Variants in NRG1 observed in about 807,000 individuals in gnomAD.
The protein encoded by NRG1 is neuregulin 1.
Under a neutral mutation model 63.8 loss-of-function variants are expected in NRG1, and 18 were observed. The ratio of observed to expected loss-of-function variants is 0.28; its 90% CI spans 0.19 to 0.42. The LOEUF is 0.42. NRG1 is among the 10% of genes least tolerant of loss of function. NRG1 has a pLI of 1.00. For synonymous variants in NRG1, 302 were observed against 301.3 expected (o/e 1.00, Z -0.02); for missense variants, 762 against 814.7 (o/e 0.94, Z 0.79).
chr8:32,458,052 G>A (rs1003215859), intron 1 of NRG1, among the ~76,000 whole-genome samples: 1 of 152,006 alleles, frequency 6.6e-6, no homozygotes, highest in African/African-American at 2.4e-5. Flanking sequence ...TAAATAGCTG[G>A]GACTACAGGC....
chr8:31,961,763 A>C (rs1764131645), intron 1 of NRG1, among the ~76,000 whole-genome samples: 1 of 152,184 alleles, frequency 6.6e-6, no homozygotes. Flanking sequence ...ATAATCTAAG[A>C]TTCATAAACA....
In NRG1 at chr8:31,836,288, A is replaced by C. The variant is rs186026524; in HGVS notation, c.37+196857A>C. 7.2e-4 allele frequency among the ~76,000 whole-genome samples: 110 copies of C among 152,310 alleles called. 2 individuals carry two copies. The East Asian group carries it at 0.016, about 22-fold the overall frequency. Reference sequence around the variant, plus strand: ...ACAAAAGCATTGTAACAGAAAATAAATTTTGAATTACAACTGTGACTTTAT... The same window carrying C: ...ACAAAAGCATTGTAACAGAAAATAACTTTTGAATTACAACTGTGACTTTAT... On this transcript the variant is annotated intron_variant, in intron 1 of 10. Coordinates refer to the NRG1 transcript ENST00000519301.
chr8:31,785,859 G>A (rs559964061), intron 1 of NRG1, among the ~76,000 whole-genome samples: 24 of 152,218 alleles, frequency 1.6e-4, no homozygotes, highest in South Asian at 2.1e-4. Context: ...GGATACCTCC[G>A]TTGCACAAGT....
intron 1 of NRG1, among the ~76,000 whole-genome samples, chr8:32,219,303 C>T (rs1212377261): frequency 6.6e-6 from 1 of 152,152 alleles, no homozygotes; most frequent in Non-Finnish European, 1.5e-5. Context: ...TTCTCACCTT[C>T]CTATGATGAG....
At chr8:32,064,380 G>C (rs116841098) in intron 1 of NRG1, among the ~76,000 whole-genome samples, 1 of 152,122 alleles carries the variant, frequency 6.6e-6, no homozygotes, top group Non-Finnish European at 1.5e-5. Flanking sequence ...TCATTTGGCT[G>C]TCAAAACCAT....
chr8:32,551,984 C>T (rs1834223487), intron 1 of NRG1, among the ~76,000 whole-genome samples: 1 of 147,656 alleles, frequency 6.8e-6, no homozygotes, highest in Admixed American at 6.9e-5. Context: ...AATCTCGGCT[C>T]ACTGCAACCT....
intron 1 of NRG1, among the ~76,000 whole-genome samples, chr8:32,462,980 G>A (rs1822513665): frequency 6.6e-6 from 1 of 150,626 alleles, no homozygotes; most frequent in South Asian, 2.1e-4. Flanking sequence ...CCTGCCCCTG[G>A]TAACCACCAT....
At chr8:32,327,885 C>A (rs1802196108) in intron 1 of NRG1, among the ~76,000 whole-genome samples, 1 of 152,086 alleles carries the variant, frequency 6.6e-6, no homozygotes, top group South Asian at 2.1e-4. Context: ...TCCATATTGG[C>A]TAGAAATTTG....
intron 1 of NRG1, among the ~76,000 whole-genome samples, chr8:31,906,674 A>G (rs1358191707): frequency 6.6e-6 from 1 of 152,156 alleles, no homozygotes; most frequent in Non-Finnish European, 1.5e-5. Context: ...TAAAAACAAA[A>G]TAATCATTCA....
intron 1 of NRG1, among the ~76,000 whole-genome samples, chr8:32,295,931 G>A (rs1421499856): frequency 8.1e-6 from 1 of 123,830 alleles, no homozygotes; most frequent in Non-Finnish European, 1.7e-5. Flanking sequence ...GGCAAGACTA[G>A]GTCTCAAGGA....
At chr8:32,280,115 A>G (rs867066921) in intron 1 of NRG1, among the ~76,000 whole-genome samples, 1 of 152,232 alleles carries the variant, frequency 6.6e-6, no homozygotes, top group Non-Finnish European at 1.5e-5. Context: ...TGAATAATAA[A>G]TGAATGAACA....
At chr8:32,307,298 A>T (rs1470873847) in intron 1 of NRG1, among the ~76,000 whole-genome samples, 1 of 152,152 alleles carries the variant, frequency 6.6e-6, no homozygotes, top group African/African-American at 2.4e-5. Context: ...AGCTAATTAG[A>T]CATGGGAAAA....
At chr8:31,805,163 T>C (rs1284812361) in intron 1 of NRG1, among the ~76,000 whole-genome samples, 1 of 152,178 alleles carries the variant, frequency 6.6e-6, no homozygotes, top group East Asian at 1.9e-4. Flanking sequence ...TATATATTGG[T>C]GACTTTAGGT....
chr8:32,464,456 A>G (rs1174826130), intron 1 of NRG1, among the ~76,000 whole-genome samples: 1 of 152,140 alleles, frequency 6.6e-6, no homozygotes, highest in East Asian at 1.9e-4. Context: ...TCTACTGATG[A>G]CACAGAACAA....
At chr8:31,897,551 A>G (rs1831675353) in intron 1 of NRG1, among the ~76,000 whole-genome samples, 1 of 152,078 alleles carries the variant, frequency 6.6e-6, no homozygotes, top group East Asian at 1.9e-4. Context: ...AAGAAAATCA[A>G]CTCTGATAAG....
intron 1 of NRG1, among the ~76,000 whole-genome samples, chr8:32,413,093 CAT>C (rs1218022953): frequency 1.3e-5 from 2 of 152,302 alleles, no homozygotes; most frequent in East Asian, 3.9e-4. Flanking sequence ...AAGCCTGAAA[CAT>C]GTGCATATTC....
At chr8:31,932,268 G>T (rs1055154659) in intron 1 of NRG1, among the ~76,000 whole-genome samples, 3 of 152,110 alleles carry the variant, frequency 2.0e-5, no homozygotes, top group Non-Finnish European at 4.4e-5. Flanking sequence ...CTTGATTTTG[G>T]ACTCTTGCAT....
chr8:32,279,068 A>C (rs1453260773), intron 1 of NRG1, among the ~76,000 whole-genome samples: 3 of 152,192 alleles, frequency 2.0e-5, no homozygotes, highest in African/African-American at 7.2e-5. Flanking sequence ...GATCTCTCTG[A>C]ATCAGATTCT....
intron 1 of NRG1, among the ~76,000 whole-genome samples, chr8:32,143,731 T>C (rs150914392): frequency 1.3e-4 from 20 of 152,382 alleles, no homozygotes; most frequent in African/African-American, 3.6e-4. Context: ...ACACTTCAGA[T>C]ACCTTCTCTT....
Sources: allele counts gnomAD v4.1 joint callset (sites outside exome capture counted in the v4.1 genomes callset), GRCh38; gene constraint gnomAD v4.1.1; transcripts MANE v1.5; gene names NCBI Gene and HGNC (gene_info 2026-07-23, HGNC 2026-07-21).